Variants in CAMK1D observed in about 807,000 individuals in gnomAD.
CAMK1D encodes calcium/calmodulin-dependent protein kinase type 1D.
In CAMK1D, 9 loss-of-function variants were observed where a neutral mutation model predicts 47.7. The ratio of observed to expected loss-of-function variants is 0.19; its 90% CI spans 0.11 to 0.33. The LOEUF (loss-of-function observed/expected upper bound fraction) is 0.33, where lower values mean the gene tolerates loss of function less well. Ranked by LOEUF, CAMK1D falls within the 10% of genes least tolerant of loss-of-function variation. The pLI, the probability that CAMK1D is intolerant of heterozygous loss-of-function variation, is 1.00. For synonymous variants in CAMK1D, 184 were observed against 184.9 expected, an observed-to-expected ratio of 0.99 and a Z score of 0.04; for missense variants, 291 against 488.7, an observed-to-expected ratio of 0.60 and a Z score of 3.81.
At chr10:12,351,732 A>G (rs895836579) in intron 1 of CAMK1D, among the ~76,000 whole-genome samples, 8 of 152,218 alleles carry the variant, frequency 5.3e-5, no homozygotes, top group African/African-American at 1.9e-4. Flanking sequence ...ACCTTGGGGA[A>G]AAATGGGGAT....
At chr10:12,475,182 T>G (rs1833866128) in intron 1 of CAMK1D, among the ~76,000 whole-genome samples, 1 of 152,038 alleles carries the variant, frequency 6.6e-6, no homozygotes, top group African/African-American at 2.4e-5. Context: ...TGGCATTGAG[T>G]ACATTCACAT....
At chr10:12,602,436 T>C (rs1838330211) in intron 2 of CAMK1D, among the ~76,000 whole-genome samples, 1 of 152,114 alleles carries the variant, frequency 6.6e-6, no homozygotes, top group Non-Finnish European at 1.5e-5. Flanking sequence ...ACCGATGACT[T>C]TTCCAACCCT....
chr10:12,451,673 T>C (rs1193767168), intron 1 of CAMK1D, among the ~76,000 whole-genome samples: 1 of 152,244 alleles, frequency 6.6e-6, no homozygotes, highest in African/African-American at 2.4e-5. Context: ...AAAGAATTTA[T>C]TTTACAATTT....
intron 1 of CAMK1D, among the ~76,000 whole-genome samples, chr10:12,410,643 C>A (rs140061382): frequency 2.0e-5 from 3 of 152,232 alleles, no homozygotes; most frequent in Admixed American, 2.0e-4. Flanking sequence ...AGGACACATC[C>A]AGTGTGATGA....
At chr10:12,763,462 A>T (rs1298829219) in intron 4 of CAMK1D, among the ~76,000 whole-genome samples, 1 of 152,170 alleles carries the variant, frequency 6.6e-6, no homozygotes, top group African/African-American at 2.4e-5. Flanking sequence ...TCTTTTTGCA[A>T]AATGAAGTGA....
intron 3 of CAMK1D, among the ~76,000 whole-genome samples, chr10:12,692,857 G>T (rs1832983858): frequency 6.6e-6 from 1 of 152,168 alleles, no homozygotes; most frequent in Non-Finnish European, 1.5e-5. Context: ...TAGGTAATAG[G>T]AATTAGCAGT....
chr10:12,474,415 G>A (rs189782756), intron 1 of CAMK1D, among the ~76,000 whole-genome samples: 207 of 151,888 alleles, frequency 1.4e-3, no homozygotes, highest in Non-Finnish European at 2.0e-3. Context: ...GGATGGTCTC[G>A]ATCTCCTGAC....
At chr10:12,553,432 G>A in intron 2 of CAMK1D, 76 bp downstream of exon 2, 1 of 1,284,130 alleles carries the variant, frequency 7.8e-7, no homozygotes. Flanking sequence ...TGCCCCGGAG[G>A]CAGACTTTCC....
chr10:12,591,657 TC>T (rs1837998082), intron 2 of CAMK1D, among the ~76,000 whole-genome samples: 1 of 152,246 alleles, frequency 6.6e-6, no homozygotes, highest in Admixed American at 6.5e-5. Flanking sequence ...CTGTTTCTGT[TC>T]ACGTAGGCAG....
At chr10:12,677,635 A>G (rs142399292) in intron 3 of CAMK1D, among the ~76,000 whole-genome samples, 3 of 152,154 alleles carry the variant, frequency 2.0e-5, no homozygotes, top group African/African-American at 7.2e-5. Flanking sequence ...GGCTCCAGGC[A>G]GAAGGGCAGG....
At chr10:12,395,890 G>A (rs762229634) in intron 1 of CAMK1D, among the ~76,000 whole-genome samples, 1 of 151,760 alleles carries the variant, frequency 6.6e-6, no homozygotes, top group Non-Finnish European at 1.5e-5. Flanking sequence ...TTGCACCACT[G>A]CACTCCAGCC....
At chr10:12,361,872 A>T (rs1837675145) in intron 1 of CAMK1D, among the ~76,000 whole-genome samples, 1 of 151,870 alleles carries the variant, frequency 6.6e-6, no homozygotes, top group South Asian at 2.1e-4. Context: ...ACTGTTTTTT[A>T]AAAATTATAG....
At chr10:12,560,870 G>A (rs116713232) in intron 2 of CAMK1D, among the ~76,000 whole-genome samples, 95 of 152,058 alleles carry the variant, frequency 6.2e-4, no homozygotes, top group Middle Eastern at 3.4e-3. Flanking sequence ...TAGACACTTG[G>A]ATACCTTGGG....
chr10:12,645,795 C>G (rs1354718489), intron 2 of CAMK1D, among the ~76,000 whole-genome samples: 1 of 152,166 alleles, frequency 6.6e-6, no homozygotes, highest in Admixed American at 6.5e-5. Context: ...GCCACGCCAT[C>G]TGAGTATTTA....
Position 12,534,436 on chromosome 10 carries a change from G to A in CAMK1D, c.93-18789G>A, listed in dbSNP as rs533674014. ...GGCTGGAGTGCAGTGGCACGATCTC[G>A]GCTCACTGCTACCTCCACCTCCTGG... On this transcript the variant is annotated intron_variant, in intron 1 of 10. Transcript: ENST00000619168. 1.3e-3 allele frequency among the ~76,000 whole-genome samples: 197 copies of A among 152,232 alleles called. 1 individual carries two copies. The highest frequency in any genetic ancestry group is 2.1e-3 in the Non-Finnish European group (143 of 68,020).
intron 1 of CAMK1D, among the ~76,000 whole-genome samples, chr10:12,396,571 G>T (rs1212589144): frequency 1.3e-5 from 2 of 152,196 alleles, no homozygotes; most frequent in Non-Finnish European, 2.9e-5. Context: ...CTATGTAGAA[G>T]GTATTTGATC....
chr10:12,357,568 A>G (rs1457043490), intron 1 of CAMK1D, among the ~76,000 whole-genome samples: 1 of 152,140 alleles, frequency 6.6e-6, no homozygotes, highest in Non-Finnish European at 1.5e-5. Flanking sequence ...TGCTCACCTC[A>G]GCCTCACAAA....
intron 6 of CAMK1D, among the ~76,000 whole-genome samples, chr10:12,802,821 G>A (rs1425102009): frequency 2.0e-5 from 3 of 152,180 alleles, no homozygotes; most frequent in African/African-American, 7.2e-5. Context: ...CCCCCGGCCT[G>A]CTCTTCATTT....
chr10:12,559,037 G>A (rs777697659), intron 2 of CAMK1D, among the ~76,000 whole-genome samples: 2 of 152,054 alleles, frequency 1.3e-5, no homozygotes, highest in African/African-American at 4.8e-5. Flanking sequence ...GGCACGGTGA[G>A]TGGCTTATGC....
Sources: gnomAD v4.1 joint callset for allele counts (sites outside exome capture counted in the v4.1 genomes callset) on GRCh38, gnomAD v4.1.1 for gene constraint, MANE v1.5 for transcripts, NCBI Gene and HGNC (gene_info 2026-07-23, HGNC 2026-07-21) for gene names.